The following PLEKHA8 variants were observed in gnomAD, a reference collection of about 807,000 sequenced individuals.
The protein encoded by PLEKHA8 is pleckstrin homology domain containing A8, also known as pleckstrin homology domain-containing family A member 8.
Under a neutral mutation model 68.2 loss-of-function variants are expected in PLEKHA8, and 36 were observed. The observed-to-expected ratio is 0.53, with a 90% CI of 0.40 to 0.70. PLEKHA8 has a LOEUF of 0.70. Ranked by LOEUF, PLEKHA8 falls within the 30% of genes least tolerant of loss-of-function variation. PLEKHA8 has a pLI of 0.00. For synonymous variants in PLEKHA8, 211 were observed against 216.1 expected, an observed-to-expected ratio of 0.98 and a Z score of 0.20; for missense variants, 505 against 615.4, an observed-to-expected ratio of 0.82 and a Z score of 1.90.
chr7:30,064,981 A>T (rs749873594), intron 12 of PLEKHA8, among the ~76,000 whole-genome samples: 4 of 152,188 alleles, frequency 2.6e-5, no homozygotes, highest in Non-Finnish European at 5.9e-5. Context: ...TGACCCCCCT[A>T]GACATAGAAA....
intron 13 of PLEKHA8, among the ~76,000 whole-genome samples, chr7:30,105,608 T>C (rs558629333): frequency 6.6e-6 from 1 of 152,274 alleles, no homozygotes; most frequent in Non-Finnish European, 1.5e-5. Flanking sequence ...ATCAGAAAAT[T>C]CACAAAGAAA....
chr7:30,039,630 T>C (rs1791371830), intron 1 of PLEKHA8, among the ~76,000 whole-genome samples: 1 of 152,254 alleles, frequency 6.6e-6, no homozygotes, highest in Non-Finnish European at 1.5e-5. Flanking sequence ...TCATTGCAAC[T>C]GTACAGAAAT....
chr7:30,116,143 T>C lies in PLEKHA8; in HGVS notation c.1363-13123T>C, dbSNP rs549177853. The C allele has an allele frequency of 4.0e-5, 6 of 151,488 alleles. No individual in the cohort carries two copies. In the South Asian group the frequency reaches 1.2e-3, roughly 31 times the overall value. The allele number at this position is 151,488 out of a possible 1,614,324, so 9.4% of individuals were successfully genotyped here. A position where few individuals can be genotyped will look rare whatever the true frequency, so the allele number is the denominator to read the frequency against. Reference sequence around the variant, plus strand: ...ATACATGTGTATACATATGTATACATACGCATACATACACGTATACATGTG... The same window carrying C: ...ATACATGTGTATACATATGTATACACACGCATACATACACGTATACATGTG... On this transcript the variant is annotated intron_variant, in intron 13 of 13. Coordinates refer to the PLEKHA8 transcript ENST00000396257.
At chr7:30,090,423 A>G (rs1010530946) in exon 13 of PLEKHA8, 4 of 428,178 alleles carry the variant, frequency 9.3e-6, no homozygotes, top group South Asian at 4.7e-5. Context: ...AACTCAGAAC[A>G]TAATACCTGA....
intron 13 of PLEKHA8, among the ~76,000 whole-genome samples, chr7:30,125,662 C>A (rs980524833): frequency 6.6e-6 from 1 of 152,110 alleles, no homozygotes; most frequent in African/African-American, 2.4e-5. Flanking sequence ...CTTAGCCTGG[C>A]CACAGTCTTA....
chr7:30,122,023 AT>A (rs1796705295), intron 13 of PLEKHA8, among the ~76,000 whole-genome samples: 1 of 152,242 alleles, frequency 6.6e-6, no homozygotes. Flanking sequence ...ATATGCCTAG[AT>A]TTTTATATGT....
chr7:30,066,761 C>A (rs2127991447), intron 12 of PLEKHA8, among the ~76,000 whole-genome samples: 1 of 152,282 alleles, frequency 6.6e-6, no homozygotes, highest in East Asian at 1.9e-4. Context: ...CCACATATCT[C>A]ATCTCAGAAT....
At chr7:30,089,850 A>ACC in intron 12 of PLEKHA8, among the ~76,000 whole-genome samples, 1 of 152,226 alleles carries the variant, frequency 6.6e-6, no homozygotes, top group Non-Finnish European at 1.5e-5. Context: ...AGAGATAAGA[A>ACC]AACTTCCCTA....
intron 2 of PLEKHA8, among the ~76,000 whole-genome samples, 155 bp downstream of exon 2, chr7:30,045,356 A>G (rs921178358): frequency 6.6e-6 from 1 of 152,182 alleles, no homozygotes; most frequent in Non-Finnish European, 1.5e-5. Flanking sequence ...TGCAAATACA[A>G]CCCAAAACTG....
intron 1 of PLEKHA8, among the ~76,000 whole-genome samples, chr7:30,040,450 C>G (rs1169258166): frequency 6.6e-6 from 1 of 152,208 alleles, no homozygotes; most frequent in Admixed American, 6.5e-5. Context: ...TTCTTTATGC[C>G]TTTCCCCAGT....
intron 6 of PLEKHA8, chr7:30,050,677 G>T: frequency 1.8e-6 from 1 of 549,262 alleles, no homozygotes; most frequent in South Asian, 3.4e-5. Context: ...TAATAGGGAA[G>T]ATGTTGGCAT....
chr7:30,071,465 C>T (rs1442286155), intron 12 of PLEKHA8, among the ~76,000 whole-genome samples: 3 of 152,210 alleles, frequency 2.0e-5, no homozygotes, highest in African/African-American at 7.2e-5. Flanking sequence ...CGCCTCACCC[C>T]CAACCCAGAC....
At position 30,055,276 on chromosome 7, in the gene PLEKHA8, C is replaced by A; in HGVS notation, c.973C>A (p.Leu325Met). 1 of 1,614,118 alleles carries A rather than the reference C, an allele frequency of 6.2e-7. No individual in the cohort carries two copies. The highest frequency in any genetic ancestry group is 1.1e-5 in the South Asian group (1 of 91,076). ...MNTSFSDIEL[L>M]EDSGIPTEAF... ...ATGTAGCTTTAGTGACATTGAACTT[C>A]TGGAAGACAGTGGCATTCCCACAGA... The change falls in exon 9 of 14, where the codon CTG becomes ATG. Residue 325 changes from leucine to methionine, a missense_variant. Transcript: ENST00000449726.
intron 13 of PLEKHA8, chr7:30,115,873 T>C (rs201310772): frequency 1.7e-4 from 19 of 110,114 alleles, no homozygotes; most frequent in South Asian, 5.3e-4. Flanking sequence ...CACATACATG[T>C]AGGCACGCAT....
chr7:30,053,376 A>G (rs1313257231), intron 7 of PLEKHA8, among the ~76,000 whole-genome samples: 1 of 152,242 alleles, frequency 6.6e-6, no homozygotes, highest in Non-Finnish European at 1.5e-5. Context: ...ACTGAAATCT[A>G]CTTTAGATCA....
At chr7:30,086,443 C>T (rs1016841795), downstream of PLEKHA8, among the ~76,000 whole-genome samples, 3 of 152,334 alleles carry the variant, frequency 2.0e-5, no homozygotes, top group East Asian at 1.9e-4. Flanking sequence ...TGTTCTTCAG[C>T]TGTACCCTTT....
At chr7:30,113,901 CTT>C (rs748202008) in intron 13 of PLEKHA8, among the ~76,000 whole-genome samples, 22,579 of 139,422 alleles carry the variant, frequency 0.16, 1,545 homozygotes, top group Middle Eastern at 0.22. Context: ...CAAAATATTA[CTT>C]TTTTTTTTTT....
chr7:30,067,121 G>A (rs1016729227), intron 12 of PLEKHA8, among the ~76,000 whole-genome samples: 1 of 152,196 alleles, frequency 6.6e-6, no homozygotes, highest in African/African-American at 2.4e-5. Context: ...TCTTTCCACT[G>A]GTTATTGTCC....
At position 30,047,942 on chromosome 7, in the gene PLEKHA8, G is replaced by C; in HGVS notation, c.424G>C (p.Val142Leu). The C allele has an allele frequency of 6.4e-7, 1 of 1,559,366 alleles. No individual in the cohort carries two copies. Among genetic ancestry groups the C allele is most frequent in the South Asian group, 1.2e-5 (1 of 82,518 alleles). The change falls in exon 4 of 14, where the codon GTG becomes CTG. Residue 142 changes from valine to leucine, a missense_variant. Val to Leu is a conservative substitution (Grantham distance 32). Transcript: ENST00000449726. ...DKTKEVTTTG[V>L]SNSEEGIDVG... Reference sequence around the variant, plus strand: ...AACAAAAGAAGTGACCACAACTGGTGTGTCCAATTCTGAGGTAAAATATTA... The same window carrying C: ...AACAAAAGAAGTGACCACAACTGGTCTGTCCAATTCTGAGGTAAAATATTA...
Sources: gnomAD v4.1 joint callset for allele counts (sites outside exome capture counted in the v4.1 genomes callset) on GRCh38, gnomAD v4.1.1 for gene constraint, MANE v1.5 for transcripts, NCBI Gene and HGNC (gene_info 2026-07-23, HGNC 2026-07-21) for gene names.